Variants in PPP1CB observed in about 807,000 individuals in gnomAD.
PPP1CB encodes the protein protein phosphatase 1 catalytic subunit beta, also known as serine/threonine-protein phosphatase PP1-beta catalytic subunit.
In PPP1CB, 2 loss-of-function variants were observed where a neutral mutation model predicts 43.7. That is an observed-to-expected ratio of 0.05 (90% CI 0.02 to 0.14). The LOEUF is 0.14. Ranked by LOEUF, PPP1CB falls within the 10% of genes least tolerant of loss-of-function variation. The probability of loss-of-function intolerance (pLI) is 1.00; values close to 1 mark genes in which losing one functional copy is unlikely to be tolerated. For missense variants in PPP1CB, 84 were observed against 398.0 expected (o/e 0.21, Z 6.71); for synonymous variants, 136 against 135.6 (o/e 1.00, Z -0.02).
In PPP1CB at chr2:28,785,065, CTTTTTTTTTT is replaced by C. The variant is rs769650329; in HGVS notation, c.592+1106_592+1115del. ...ATGTTGTAATAAATTGTGTTAGGAG[CTTTTTTTTTT>C]TTTTTTTTTTTTTTTTTTGAGACAG... On this transcript the variant is annotated intron_variant, in intron 5 of 7. Transcript: ENST00000395366. Among the ~76,000 whole-genome samples, 210 of 54,992 alleles carry C rather than the reference CTTTTTTTTTT, an allele frequency of 3.8e-3. 1 individual carries two copies. Among genetic ancestry groups the C allele is most frequent in the African/African-American group, 0.016 (189 of 12,060 alleles). 36.1% of individuals were successfully genotyped at this position (54,992 alleles called of 152,430 possible).
chr2:28,791,157 C>G (rs1275669697), intron 6 of PPP1CB, among the ~76,000 whole-genome samples: 1 of 152,154 alleles, frequency 6.6e-6, no homozygotes, highest in Non-Finnish European at 1.5e-5. Context: ...CCCCATGACA[C>G]TTACTACTGC....
chr2:28,777,173 T>C (rs1667060268), intron 2 of PPP1CB, 191 bp downstream of exon 2: 1 of 443,460 alleles, frequency 2.3e-6, no homozygotes, highest in Non-Finnish European at 3.9e-6. Context: ...ACTTGCTATA[T>C]ATCAACAGAT....
intron 3 of PPP1CB, among the ~76,000 whole-genome samples, chr2:28,780,346 C>G (rs1178621723): frequency 6.6e-6 from 1 of 152,178 alleles, no homozygotes; most frequent in South Asian, 2.1e-4. Flanking sequence ...CCGCCTCGGC[C>G]TCCCAGAGTG....
Position 28,778,915 on chromosome 2 carries a change from G to A in PPP1CB, c.291G>A (p.Lys97=), listed in dbSNP as rs1339191009. 1 of 1,610,686 alleles carries A rather than the reference G, an allele frequency of 6.2e-7. No homozygotes were observed. The highest frequency in any genetic ancestry group is 8.5e-7 in the Non-Finnish European group (1 of 1,176,976). The part of the protein sequence containing the change: ...LFLGDYVDRG[K]QSLETICLLL... ...TAGGAGATTATGTGGACAGAGGAAA[G>A]CAGTCTTTGGAAACCATTTGTTTGC... The change falls in exon 3 of 8, where the codon AAG becomes AAA. Residue 97 remains lysine (K), a synonymous_variant. Transcript: ENST00000395366.
chr2:28,794,217 C>T (rs975875114), intron 7 of PPP1CB, among the ~76,000 whole-genome samples: 59 of 152,270 alleles, frequency 3.9e-4, no homozygotes, highest in African/African-American at 1.3e-3. Context: ...ACCTAAGTTA[C>T]GTCAGTCATT....
In PPP1CB at chr2:28,787,951, A is replaced by G. The variant is rs772884134; in HGVS notation, c.593-707A>G. On this transcript the variant is annotated intron_variant, in intron 5 of 7. Transcript: ENST00000395366. ...TTTTCCAGGGCTCCAAACATTACCA[A>G]AGTCAAGGATCTGATCTGATTTTGT... Among the ~76,000 whole-genome samples the G allele has an allele frequency of 3.3e-5, 5 of 152,294 alleles. No individual in the cohort carries two copies. In the South Asian group the frequency reaches 8.3e-4, roughly 25 times the overall value.
intron 1 of PPP1CB, among the ~76,000 whole-genome samples, chr2:28,776,644 A>G (rs1416417785): frequency 6.6e-6 from 1 of 152,194 alleles, no homozygotes; most frequent in Non-Finnish European, 1.5e-5. Context: ...CATCAACAGC[A>G]GACTTGAGGA....
chr2:28,789,876 C>T (rs933458197), intron 6 of PPP1CB, among the ~76,000 whole-genome samples: 8 of 152,032 alleles, frequency 5.3e-5, no homozygotes, highest in South Asian at 4.1e-4. Flanking sequence ...AGATGACAGG[C>T]GTGAGCGTGA....
intron 7 of PPP1CB, among the ~76,000 whole-genome samples, chr2:28,797,445 A>G (rs529189183): frequency 6.6e-6 from 1 of 151,496 alleles, no homozygotes; most frequent in South Asian, 2.1e-4. Flanking sequence ...CAGTTTTGGA[A>G]CTTGTTATTG....
intron 5 of PPP1CB, among the ~76,000 whole-genome samples, chr2:28,785,681 G>T (rs776965697): frequency 6.6e-6 from 1 of 151,768 alleles, no homozygotes; most frequent in Non-Finnish European, 1.5e-5. Context: ...TTAGCCACAT[G>T]TCGCAGCACC....
chr2:28,792,717 G>A (rs973875830), intron 6 of PPP1CB, among the ~76,000 whole-genome samples: 1 of 152,164 alleles, frequency 6.6e-6, no homozygotes, highest in South Asian at 2.1e-4. Flanking sequence ...AAATGCCTTC[G>A]TAATTGCTTT....
chr2:28,751,959 C>T lies in PPP1CB; in HGVS notation c.-166C>T. 1.5e-6 allele frequency: 1 copy of T among 672,210 alleles called. No homozygotes were observed. The highest frequency in any genetic ancestry group is 2.6e-6 in the Non-Finnish European group (1 of 382,192). 41.6% of individuals were successfully genotyped at this position (672,210 alleles called of 1,614,324 possible). On this transcript the variant is annotated 5_prime_UTR_variant, in exon 1 of 8. Transcript: ENST00000395366. The stretch of plus-strand genomic sequence containing the variant: ...TCCGAGTGTGCGCGCGCTCTCGCTA[C>T]CCGGCGGGGAGGGGGTGGGGGGAGG...
intron 5 of PPP1CB, among the ~76,000 whole-genome samples, chr2:28,788,213 T>C (rs1157121788): frequency 1.3e-5 from 2 of 152,152 alleles, no homozygotes; most frequent in South Asian, 2.1e-4. Flanking sequence ...ATTAAAAAGC[T>C]CTAGTCTGTT....
chr2:28,798,625 A>G (rs1667543998), intron 7 of PPP1CB, among the ~76,000 whole-genome samples: 1 of 126,486 alleles, frequency 7.9e-6, no homozygotes, highest in South Asian at 2.6e-4. Context: ...TGAAATGTTC[A>G]GAATAGGCAA....
chr2:28,799,510 A>G lies in PPP1CB; in HGVS notation c.*207A>G, dbSNP rs1437398178. Reference sequence around the variant, plus strand: ...TAATAAGTATACTCTGTTATAGTCAACAAAGTTAAATCCAAATTCAAAATT... The same window carrying G: ...TAATAAGTATACTCTGTTATAGTCAGCAAAGTTAAATCCAAATTCAAAATT... On this transcript the variant is annotated 3_prime_UTR_variant, in exon 8 of 8. Transcript: ENST00000395366. The G allele has an allele frequency of 5.0e-6, 2 of 400,330 alleles. No individual in the cohort carries two copies. Among genetic ancestry groups the G allele is most frequent in the African/African-American group, 2.1e-5 (1 of 48,354 alleles). The allele number at this position is 400,330 out of a possible 1,614,324, so 24.8% of individuals were successfully genotyped here.
chr2:28,776,207 G>T (rs1667036918), intron 1 of PPP1CB, among the ~76,000 whole-genome samples: 1 of 150,896 alleles, frequency 6.6e-6, no homozygotes, highest in Admixed American at 6.6e-5. Context: ...AAGGGTGCGG[G>T]CTCTGAAATG....
chr2:28,779,861 G>T (rs1667117247), intron 3 of PPP1CB, among the ~76,000 whole-genome samples: 1 of 152,156 alleles, frequency 6.6e-6, no homozygotes, highest in Non-Finnish European at 1.5e-5. Flanking sequence ...TGTGAACACA[G>T]TGCGTGAAGC....
intron 1 of PPP1CB, among the ~76,000 whole-genome samples, chr2:28,757,954 A>T (rs1215006928): frequency 6.6e-6 from 1 of 151,454 alleles, no homozygotes; most frequent in Non-Finnish European, 1.5e-5. Flanking sequence ...AGATAGTTGC[A>T]TCTAGTAGGT....
chr2:28,787,352 G>A (rs992733709), intron 5 of PPP1CB, among the ~76,000 whole-genome samples: 10 of 152,216 alleles, frequency 6.6e-5, no homozygotes, highest in African/African-American at 2.2e-4. Flanking sequence ...CCAGCTACTC[G>A]GGAGGCTGAG....
Sources: gnomAD v4.1 joint callset for allele counts (sites outside exome capture counted in the v4.1 genomes callset) on GRCh38, gnomAD v4.1.1 for gene constraint, MANE v1.5 for transcripts, NCBI Gene and HGNC (gene_info 2026-07-23, HGNC 2026-07-21) for gene names.